PDE4D: variants seen among roughly 807,000 people sequenced by gnomAD.
PDE4D encodes phosphodiesterase 4D.
PDE4D carries 24 observed loss-of-function variants against 87.4 expected under a neutral mutation model. The observed-to-expected ratio is 0.27, with a 90% confidence interval of 0.20 to 0.39. The LOEUF is 0.39. PDE4D is among the 10% of genes least tolerant of loss of function. The probability of loss-of-function intolerance (pLI) is 1.00; values close to 1 mark genes in which losing one functional copy is unlikely to be tolerated. For missense variants in PDE4D, 714 were observed against 1,041.0 expected (o/e 0.69, Z 4.32); for synonymous variants, 384 against 383.2 (o/e 1.00, Z -0.02).
intron 1 of PDE4D, among the ~76,000 whole-genome samples, chr5:60,516,713 G>A (rs933777419): frequency 6.6e-6 from 1 of 152,348 alleles, no homozygotes; most frequent in African/African-American, 2.4e-5. Flanking sequence ...TGTTATGCCA[G>A]ACATTGTTCC....
intron 1 of PDE4D, among the ~76,000 whole-genome samples, chr5:59,441,479 G>A (rs1470643570): frequency 1.3e-5 from 2 of 152,162 alleles, no homozygotes; most frequent in Non-Finnish European, 2.9e-5. Context: ...ATCAGTCTCG[G>A]TTCTTTTGGC....
chr5:59,355,712 C>A (rs1781272896), intron 1 of PDE4D, among the ~76,000 whole-genome samples: 1 of 152,072 alleles, frequency 6.6e-6, no homozygotes, highest in African/African-American at 2.4e-5. Context: ...TTTGCTTATG[C>A]ATTGTTATAC....
At chr5:59,275,523 T>A (rs1764630792) in intron 1 of PDE4D, 1 of 1,464,022 alleles carries the variant, frequency 6.8e-7, no homozygotes, top group African/African-American at 1.4e-5. Flanking sequence ...CTTGAAGAAA[T>A]CCAATTTTCC....
At chr5:60,384,984 C>T (rs926701744) in intron 1 of PDE4D, among the ~76,000 whole-genome samples, 3 of 152,210 alleles carry the variant, frequency 2.0e-5, no homozygotes, top group Non-Finnish European at 2.9e-5. Flanking sequence ...CCTTCCCTGT[C>T]TCCCAGAATA....
intron 1 of PDE4D, among the ~76,000 whole-genome samples, chr5:59,232,781 C>T (rs1454781038): frequency 6.6e-6 from 1 of 150,986 alleles, no homozygotes; most frequent in Non-Finnish European, 1.5e-5. Flanking sequence ...ACCAAAGTAT[C>T]CACCAACAAA....
intron 1 of PDE4D, among the ~76,000 whole-genome samples, chr5:59,476,713 G>A (rs1422921747): frequency 1.3e-5 from 2 of 151,940 alleles, no homozygotes; most frequent in Non-Finnish European, 2.9e-5. Context: ...TATATACTTT[G>A]GAAAACTGCA....
chr5:59,407,082 C>G (rs59536985), intron 1 of PDE4D, among the ~76,000 whole-genome samples: 2 of 152,100 alleles, frequency 1.3e-5, no homozygotes, highest in African/African-American at 4.8e-5. Context: ...CTTGAATGTC[C>G]CCTCCAATTC....
intron 5 of PDE4D, among the ~76,000 whole-genome samples, chr5:59,101,726 G>A (rs1770769137): frequency 6.7e-6 from 1 of 148,580 alleles, no homozygotes; most frequent in East Asian, 2.0e-4. Flanking sequence ...TTTTTTTTAA[G>A]TGCATAGCCC....
At chr5:59,520,010 C>T (rs905634674) in intron 1 of PDE4D, among the ~76,000 whole-genome samples, 3 of 152,010 alleles carry the variant, frequency 2.0e-5, no homozygotes, top group Non-Finnish European at 2.9e-5. Flanking sequence ...ACCTGTAATC[C>T]CAGCTTTTTT....
At position 59,979,786 on chromosome 5, in the gene PDE4D, T is replaced by G. The variant is rs575230024; in HGVS notation, c.272+8702A>C. 4.6e-5 allele frequency among the ~76,000 whole-genome samples: 7 copies of G among 152,250 alleles called. No individual in the cohort carries two copies. The East Asian group carries it at 1.3e-3, about 29-fold the overall frequency. On this transcript the variant is annotated intron_variant, in intron 3 of 16. Coordinates refer to the PDE4D transcript ENST00000502484. ...GAGAGAAATGGGATGAAAAATAATA[T>G]GGAAATTCTAAGTTCTAGAAAGAAT... is the stretch of plus-strand genomic sequence containing the variant.
At chr5:59,122,240 A>C (rs1487591549) in intron 5 of PDE4D, among the ~76,000 whole-genome samples, 1 of 152,146 alleles carries the variant, frequency 6.6e-6, no homozygotes, top group East Asian at 1.9e-4. Context: ...AAAAAGAATA[A>C]AATCGTCATT....
At chr5:60,379,591 C>A (rs939656463) in intron 1 of PDE4D, among the ~76,000 whole-genome samples, 2 of 152,286 alleles carry the variant, frequency 1.3e-5, no homozygotes, top group Middle Eastern at 6.8e-3. Flanking sequence ...AAAGCAGAAC[C>A]AAAATAGCAT....
At chr5:59,695,107 T>C (rs1299967460) in intron 1 of PDE4D, among the ~76,000 whole-genome samples, 3 of 152,130 alleles carry the variant, frequency 2.0e-5, no homozygotes, top group Non-Finnish European at 4.4e-5. Flanking sequence ...TTAGGATCTT[T>C]TCTTTCAAAA....
intron 1 of PDE4D, among the ~76,000 whole-genome samples, chr5:60,220,575 CTG>C (rs1316500528): frequency 6.6e-6 from 1 of 152,102 alleles, no homozygotes; most frequent in East Asian, 1.9e-4. Context: ...GCAGCCAAGA[CTG>C]AGAACAACTG....
intron 1 of PDE4D, among the ~76,000 whole-genome samples, chr5:60,381,364 G>C (rs1395235760): frequency 6.6e-6 from 1 of 152,212 alleles, no homozygotes; most frequent in Non-Finnish European, 1.5e-5. Flanking sequence ...AAAACTTTTA[G>C]AAGCTTGCAC....
intron 2 of PDE4D, among the ~76,000 whole-genome samples, chr5:60,120,152 T>C (rs542397188): frequency 6.6e-6 from 1 of 152,376 alleles, no homozygotes; most frequent in South Asian, 2.1e-4. Flanking sequence ...TTATTTATAC[T>C]ATTGCTTTTT....
At chr5:58,990,953 A>C in intron 8 of PDE4D, 51 bp from the exon 9 acceptor site, 2 of 995,272 alleles carry the variant, frequency 2.0e-6, no homozygotes, top group Non-Finnish European at 3.0e-6. Context: ...GTGGAGTAAA[A>C]TATGACTCAA....
At chr5:59,237,617 T>C (rs955338478) in intron 1 of PDE4D, among the ~76,000 whole-genome samples, 25 of 152,148 alleles carry the variant, frequency 1.6e-4, no homozygotes, top group Non-Finnish European at 3.2e-4. Context: ...AGTGAATGAA[T>C]AACTGGTGAG....
At chr5:60,156,380 C>A (rs1192278656) in intron 2 of PDE4D, among the ~76,000 whole-genome samples, 1 of 152,134 alleles carries the variant, frequency 6.6e-6, no homozygotes, top group African/African-American at 2.4e-5. Context: ...ATTGAAAACA[C>A]ATTTGAGAGC....
Sources: gnomAD v4.1 joint callset for allele counts (sites outside exome capture counted in the v4.1 genomes callset) on GRCh38, gnomAD v4.1.1 for gene constraint, MANE v1.5 for transcripts, NCBI Gene and HGNC (gene_info 2026-07-23, HGNC 2026-07-21) for gene names.